OSBP2: variants seen among roughly 807,000 people sequenced by gnomAD.
OSBP2 encodes the protein oxysterol-binding protein 2.
Under a neutral mutation model 96.0 loss-of-function variants are expected in OSBP2, and 66 were observed. The observed-to-expected ratio is 0.69, with a 90% CI of 0.56 to 0.84. OSBP2 has a LOEUF of 0.84. Among genes scored for constraint, OSBP2 ranks in the 40% least tolerant of loss-of-function variants. The pLI is 0.00. For synonymous variants in OSBP2, 525 were observed against 520.9 expected (o/e 1.01, Z -0.11); for missense variants, 1,038 against 1,222.7 (o/e 0.85, Z 2.25).
At chr22:30,889,788 G>A (rs761160923) in intron 7 of OSBP2, 152 bp downstream of exon 7, 23 of 713,482 alleles carry the variant, frequency 3.2e-5, no homozygotes, top group Non-Finnish European at 4.7e-5. Context: ...TTATCTAATC[G>A]TGCACATAGG....
chr22:30,858,882 T>TAATA (rs1055177852), intron 2 of OSBP2, among the ~76,000 whole-genome samples: 1 of 49,594 alleles, frequency 2.0e-5, no homozygotes, highest in Non-Finnish European at 4.7e-5. Context: ...TCTGTCTCAA[T>TAATA]AATAATAATA....
At chr22:30,888,849 G>A (rs549308449) in intron 5 of OSBP2, among the ~76,000 whole-genome samples, 1 of 152,326 alleles carries the variant, frequency 6.6e-6, no homozygotes, top group South Asian at 2.1e-4. Context: ...ATATGGCACA[G>A]CCTATAGCTC....
At chr22:30,783,283 G>C (rs1014133544) in intron 2 of OSBP2, among the ~76,000 whole-genome samples, 1 of 147,028 alleles carries the variant, frequency 6.8e-6, no homozygotes, top group Non-Finnish European at 1.5e-5. Flanking sequence ...CTCAGAGGCA[G>C]GGAGTCTCAT....
intron 2 of OSBP2, among the ~76,000 whole-genome samples, chr22:30,754,787 G>A (rs1011135455): frequency 7.9e-5 from 12 of 152,142 alleles, no homozygotes; most frequent in Admixed American, 7.9e-4. Context: ...CTGTGCTGGG[G>A]CAGGGGTTGA....
chr22:30,858,645 G>A (rs2039137143), intron 2 of OSBP2, among the ~76,000 whole-genome samples: 1 of 151,480 alleles, frequency 6.6e-6, no homozygotes. Flanking sequence ...TTGGGAGGCT[G>A]AGGCGGGCAA....
chr22:30,759,905 G>T (rs2090186353), intron 2 of OSBP2, among the ~76,000 whole-genome samples: 1 of 151,942 alleles, frequency 6.6e-6, no homozygotes, highest in African/African-American at 2.4e-5. Context: ...TGTTGCCCAG[G>T]CTGGAGTGTG....
At chr22:30,753,694 G>A (rs2090105839) in intron 2 of OSBP2, among the ~76,000 whole-genome samples, 1 of 152,204 alleles carries the variant, frequency 6.6e-6, no homozygotes, top group Non-Finnish European at 1.5e-5. Context: ...CAAGGATTTT[G>A]CATGTGATGG....
chr22:30,896,890 C>T (rs62238094), intron 12 of OSBP2, among the ~76,000 whole-genome samples: 5,742 of 152,200 alleles, frequency 0.038, 172 homozygotes, highest in East Asian at 0.12. Context: ...TCAAGTGATC[C>T]TCCAGCCTCA....
At chr22:30,889,269 CAG>C in intron 6 of OSBP2, 35 bp downstream of exon 6, 1 of 1,586,048 alleles carries the variant, frequency 6.3e-7, no homozygotes, top group Non-Finnish European at 8.6e-7. Context: ...GGCCAGAAGG[CAG>C]CTTCTGGCCT....
At chr22:30,834,625 G>A (rs934898700) in intron 2 of OSBP2, among the ~76,000 whole-genome samples, 3 of 152,042 alleles carry the variant, frequency 2.0e-5, no homozygotes, top group Admixed American at 6.6e-5. Context: ...ATCTTTTCAT[G>A]TGCTTACTGG....
At chr22:30,818,139 C>T (rs1271564618) in intron 2 of OSBP2, among the ~76,000 whole-genome samples, 1 of 152,248 alleles carries the variant, frequency 6.6e-6, no homozygotes, top group Non-Finnish European at 1.5e-5. Context: ...CTCAAGCAAT[C>T]TGCTCATCTC....
rs527394357 is a variant in OSBP2 at position 30,829,135 on chromosome 22, C to T, written c.854-41294C>T. Among the ~76,000 whole-genome samples, 281 of 152,230 alleles carry T rather than the reference C, an allele frequency of 1.8e-3. 2 individuals carry two copies. The highest frequency in any genetic ancestry group is 2.6e-3 in the Non-Finnish European group (179 of 68,012). ...GTCAAGGTTCTTTGCCACTGGTAGC[C>T]CCAAGGAGCCTGGAGAACATAGCGT... is the stretch of plus-strand genomic sequence containing the variant. On this transcript the variant is annotated intron_variant, in intron 2 of 13. Coordinates refer to ENST00000332585, the MANE Select transcript of OSBP2 (RefSeq NM_030758.4).
intron 3 of OSBP2, among the ~76,000 whole-genome samples, chr22:30,876,196 C>T (rs2039574274): frequency 6.6e-6 from 1 of 152,250 alleles, no homozygotes; most frequent in African/African-American, 2.4e-5. Context: ...ACTATTTTCC[C>T]TTCTGGGCTG....
chr22:30,873,852 G>T (rs1005801002), intron 3 of OSBP2, among the ~76,000 whole-genome samples: 1 of 152,196 alleles, frequency 6.6e-6, no homozygotes, highest in Admixed American at 6.5e-5. Context: ...GCTGGGGCAG[G>T]CAGCTCTCTT....
At chr22:30,832,581 T>C (rs1304851768) in intron 2 of OSBP2, among the ~76,000 whole-genome samples, 1 of 152,156 alleles carries the variant, frequency 6.6e-6, no homozygotes, top group African/African-American at 2.4e-5. Context: ...GCTTGTATTG[T>C]GCAAAGCAGG....
chr22:30,750,847 C>A (rs1284694005), intron 2 of OSBP2, among the ~76,000 whole-genome samples: 1 of 152,212 alleles, frequency 6.6e-6, no homozygotes, highest in East Asian at 1.9e-4. Context: ...CAGGTTCGAG[C>A]AATTCTCCTG....
intron 2 of OSBP2, among the ~76,000 whole-genome samples, chr22:30,782,941 G>GT (rs1479241107): frequency 2.0e-5 from 3 of 152,106 alleles, no homozygotes; most frequent in African/African-American, 7.2e-5. Context: ...ACCCGAGGAA[G>GT]TGTCAAACAC....
intron 2 of OSBP2, among the ~76,000 whole-genome samples, chr22:30,830,269 G>T (rs370288348): frequency 1.3e-5 from 2 of 152,234 alleles, no homozygotes; most frequent in South Asian, 2.1e-4. Context: ...GTTTCCCTGT[G>T]ACGTGTGTGT....
At chr22:30,903,553 G>C (rs138542653) in intron 12 of OSBP2, among the ~76,000 whole-genome samples, 1 of 152,374 alleles carries the variant, frequency 6.6e-6, no homozygotes, top group East Asian at 1.9e-4. Flanking sequence ...GCATTCACGT[G>C]TTTTTGTTAC....
Sources: allele counts gnomAD v4.1 joint callset (sites outside exome capture counted in the v4.1 genomes callset), GRCh38; gene constraint gnomAD v4.1.1; transcripts MANE v1.5; gene names NCBI Gene and HGNC (gene_info 2026-07-23, HGNC 2026-07-21).